The following GPR39 variants were observed in gnomAD, a reference collection of about 807,000 sequenced individuals.
GPR39 encodes the protein G protein-coupled receptor 39.
GPR39 carries 23 observed loss-of-function variants against 18.4 expected under a neutral mutation model. The ratio of observed to expected loss-of-function variants is 1.25; its 90% CI spans 0.90 to 1.77. The LOEUF is 1.77. Ranked by LOEUF, GPR39 falls within the 40% of genes most tolerant of loss-of-function variation. GPR39 has a pLI of 0.00. For synonymous variants in GPR39, 280 were observed against 257.9 expected (o/e 1.09, Z -0.82); for missense variants, 647 against 602.4 (o/e 1.07, Z -0.78).
At chr2:132,606,779 G>T (rs112681799) in intron 1 of GPR39, among the ~76,000 whole-genome samples, 27 of 152,308 alleles carry the variant, frequency 1.8e-4, no homozygotes, top group Middle Eastern at 3.4e-3. Context: ...TAGCAAGATG[G>T]ATGGGGAGCT....
intron 1 of GPR39, among the ~76,000 whole-genome samples, chr2:132,519,075 C>T (rs1679380658): frequency 6.6e-6 from 1 of 152,196 alleles, no homozygotes. Context: ...AGAACATACA[C>T]AACCTATAAG....
At chr2:132,424,370 G>T (rs1001959484) in intron 1 of GPR39, among the ~76,000 whole-genome samples, 1 of 152,100 alleles carries the variant, frequency 6.6e-6, no homozygotes, top group East Asian at 1.9e-4. Context: ...ACCTTAAATT[G>T]CATCCACTTG....
At chr2:132,488,712 T>C (rs1434520690) in intron 1 of GPR39, 1 of 152,664 alleles carries the variant, frequency 6.6e-6, no homozygotes, top group African/African-American at 2.4e-5. Flanking sequence ...ATTGCCTTGG[T>C]TTTCCTTACC....
At chr2:132,426,343 A>G (rs1228092936) in intron 1 of GPR39, among the ~76,000 whole-genome samples, 1 of 152,258 alleles carries the variant, frequency 6.6e-6, no homozygotes, top group African/African-American at 2.4e-5. Flanking sequence ...GATTTTCAGA[A>G]TGCTGATGCC....
At chr2:132,600,699 G>C (rs1681025270) in intron 1 of GPR39, among the ~76,000 whole-genome samples, 1 of 152,020 alleles carries the variant, frequency 6.6e-6, no homozygotes, top group Non-Finnish European at 1.5e-5. Flanking sequence ...TGAGTAACAA[G>C]ATTGACTCAG....
At chr2:132,509,874 C>T (rs1206191998) in intron 1 of GPR39, among the ~76,000 whole-genome samples, 2 of 152,094 alleles carry the variant, frequency 1.3e-5, no homozygotes, top group Non-Finnish European at 2.9e-5. Flanking sequence ...TCCTGAAGCA[C>T]CTAGATGGAT....
chr2:132,472,545 T>C (rs902820676), intron 1 of GPR39, among the ~76,000 whole-genome samples: 1 of 152,128 alleles, frequency 6.6e-6, no homozygotes. Context: ...GCAACTCACC[T>C]GTGAACCAGG....
intron 1 of GPR39, among the ~76,000 whole-genome samples, chr2:132,477,333 G>A (rs902753926): frequency 2.0e-5 from 3 of 152,250 alleles, no homozygotes; most frequent in South Asian, 4.1e-4. Context: ...ATTCAGAGGC[G>A]TGGAGGACAG....
chr2:132,500,943 A>G (rs1679017515), intron 1 of GPR39, among the ~76,000 whole-genome samples: 3 of 151,494 alleles, frequency 2.0e-5, no homozygotes, highest in Admixed American at 1.3e-4. Context: ...TTTATTTCTA[A>G]TTGAGCTTAT....
At chr2:132,534,390 G>A (rs1410935383) in intron 1 of GPR39, among the ~76,000 whole-genome samples, 1 of 149,244 alleles carries the variant, frequency 6.7e-6, no homozygotes. Context: ...CACTGTTGAT[G>A]GGACTGTAAA....
At chr2:132,557,164 C>CA (rs1680168293) in intron 1 of GPR39, among the ~76,000 whole-genome samples, 1 of 152,046 alleles carries the variant, frequency 6.6e-6, no homozygotes, top group Non-Finnish European at 1.5e-5. Flanking sequence ...ACTAAAAATA[C>CA]AAAAATTAGC....
At chr2:132,596,766 A>G (rs756934875) in intron 1 of GPR39, among the ~76,000 whole-genome samples, 2 of 152,190 alleles carry the variant, frequency 1.3e-5, no homozygotes, top group Non-Finnish European at 2.9e-5. Context: ...AAACATCCCA[A>G]TGACCAAACT....
intron 1 of GPR39, among the ~76,000 whole-genome samples, chr2:132,483,251 C>T (rs1025196752): frequency 3.3e-5 from 5 of 152,158 alleles, no homozygotes; most frequent in South Asian, 2.1e-4. Flanking sequence ...TATGACAGAG[C>T]GATCAGCACT....
At chr2:132,485,477 A>G (rs1398846774) in intron 1 of GPR39, among the ~76,000 whole-genome samples, 1 of 152,228 alleles carries the variant, frequency 6.6e-6, no homozygotes, top group Admixed American at 6.5e-5. Flanking sequence ...CATTTTATCC[A>G]GATTAAGACT....
At position 132,417,785 on chromosome 2, in the gene GPR39, T is replaced by G; in HGVS notation, c.743T>G (p.Val248Gly). 1 of 1,614,152 alleles carries G rather than the reference T, an allele frequency of 6.2e-7. No homozygotes were observed. The change falls in exon 1 of 2, where the codon GTG becomes GGG. Residue 248 changes from valine (V) to glycine (G), a missense_variant. Physicochemically the swap from Val to Gly is moderately radical, Grantham distance 109 (BLOSUM62 -3). This residue lies in a region of GPR39 where 581 missense variants were observed against 506.8 expected (regional missense o/e 1.15). Coordinates refer to ENST00000329321, the MANE Select transcript of GPR39 (RefSeq NM_001508.3). ...VAFMCWNMMQ[V>G]LMKSQKGSLA... ...TTCATGTGCTGGAACATGATGCAGG[T>G]GCTCATGAAAAGCCAGAAGGGCTCG... is the stretch of plus-strand genomic sequence containing the variant.
intron 1 of GPR39, among the ~76,000 whole-genome samples, chr2:132,427,136 A>G (rs1424139878): frequency 7.8e-5 from 3 of 38,272 alleles, no homozygotes; most frequent in Non-Finnish European, 1.6e-4. Flanking sequence ...AGGTACATAT[A>G]TATATATATA....
intron 1 of GPR39, among the ~76,000 whole-genome samples, chr2:132,509,944 T>C (rs922480412): frequency 6.6e-6 from 1 of 152,160 alleles, no homozygotes; most frequent in African/African-American, 2.4e-5. Context: ...AGAGGGGCTC[T>C]TGGAAGCCAT....
intron 1 of GPR39, among the ~76,000 whole-genome samples, chr2:132,625,606 G>A (rs1199470083): frequency 6.6e-6 from 1 of 152,164 alleles, no homozygotes; most frequent in Non-Finnish European, 1.5e-5. Flanking sequence ...CATGTTTTCA[G>A]TATACAGCTT....
intron 1 of GPR39, among the ~76,000 whole-genome samples, chr2:132,583,661 GGGC>G (rs1680669076): frequency 3.3e-5 from 5 of 151,788 alleles, no homozygotes; most frequent in Admixed American, 3.3e-4. Flanking sequence ...GATTGAAGAG[GGGC>G]ATGGCAGGGA....
Sources: gnomAD v4.1 joint callset for allele counts (sites outside exome capture counted in the v4.1 genomes callset) on GRCh38, gnomAD v4.1.1 for gene constraint, gnomAD v4.1.1 regional missense constraint, MANE v1.5 for transcripts, NCBI Gene and HGNC (gene_info 2026-07-23, HGNC 2026-07-21) for gene names.